MRPL43: variants seen among roughly 807,000 people sequenced by gnomAD.
MRPL43 encodes the protein large ribosomal subunit protein mL43.
Under a neutral mutation model 12.7 loss-of-function variants are expected in MRPL43, and 9 were observed. The observed-to-expected ratio is 0.71, with a 90% CI of 0.43 to 1.24. The LOEUF is 1.24. MRPL43 is among the 50% of genes most tolerant of loss of function. MRPL43 has a pLI of 0.00. For synonymous variants in MRPL43, 116 were observed against 96.4 expected (o/e 1.20, Z -1.19); for missense variants, 211 against 229.2 (o/e 0.92, Z 0.51).
Position 100,987,433 on chromosome 10 carries a change from C to G in MRPL43, c.11G>C (p.Arg4Pro). 1 of 1,612,210 alleles carries G rather than the reference C, an allele frequency of 6.2e-7. No individual in the cohort carries two copies. Among genetic ancestry groups the G allele is most frequent in the Non-Finnish European group, 8.5e-7 (1 of 1,179,824 alleles). ...GGCCAAGAAGCGGCTCGGAGTCCCG[C>G]GCGCCGTCATAGCTACAGCTTGGAG... MTA[R>P]GTPSRFLASV... The change falls in exon 1 of 3, where the codon CGC (arginine) becomes CCC (proline). Residue 4 changes from arginine (R) to proline (P), a missense_variant. Transcript: ENST00000318364.
At chr10:100,979,336 A>G (rs961567821), downstream of MRPL43, 6 of 1,613,932 alleles carry the variant, frequency 3.7e-6, no homozygotes, top group African/African-American at 6.7e-5. Flanking sequence ...GCAGAGGTCA[A>G]TGAGGATGAG....
At chr10:100,980,957 G>T, downstream of MRPL43, 1 of 1,606,358 alleles carries the variant, frequency 6.2e-7, no homozygotes, top group Non-Finnish European at 8.5e-7. Context: ...CCATGCCTGC[G>T]CAGCAGCCAC....
downstream of MRPL43, chr10:100,978,536 T>A (rs1850903953): frequency 1.9e-6 from 3 of 1,613,958 alleles, no homozygotes; most frequent in Non-Finnish European, 2.5e-6. Context: ...GATGGAGGCC[T>A]CTACACAGCC....
chr10:100,979,011 T>A (rs767904665), downstream of MRPL43: 16 of 1,613,882 alleles, frequency 9.9e-6, no homozygotes, highest in Admixed American at 1.7e-4. Context: ...GTGGCTCGTG[T>A]CTGCAAGGTG....
At chr10:100,985,449 C>G (rs1215821939), downstream of MRPL43, 1 of 152,862 alleles carries the variant, frequency 6.5e-6, no homozygotes, top group East Asian at 1.9e-4. Context: ...CACCCAACCT[C>G]TCCCACCTCC....
downstream of MRPL43, chr10:100,979,998 T>C: frequency 1.9e-6 from 3 of 1,613,826 alleles, no homozygotes; most frequent in Non-Finnish European, 2.5e-6. Flanking sequence ...GCTCGGTGAG[T>C]GCCCAGGCCT....
chr10:100,981,202 C>T (rs1851053925), downstream of MRPL43: 2 of 1,614,080 alleles, frequency 1.2e-6, no homozygotes, highest in African/African-American at 1.3e-5. Context: ...GAGAGGAAAT[C>T]GAGGCTGTGA....
chr10:100,984,759 G>A (rs766759551), downstream of MRPL43: 4 of 1,535,948 alleles, frequency 2.6e-6, no homozygotes, highest in Non-Finnish European at 3.5e-6. Flanking sequence ...AGCCCCATGT[G>A]GTGACCTCTT....
At chr10:100,979,956 CTA>C, downstream of MRPL43, 1 of 1,614,116 alleles carries the variant, frequency 6.2e-7, no homozygotes, top group South Asian at 1.1e-5. Context: ...GCTGGGGTCG[CTA>C]TGAGGGTGGG....
downstream of MRPL43, chr10:100,981,444 G>A: frequency 1.2e-6 from 2 of 1,614,140 alleles, no homozygotes; most frequent in Non-Finnish European, 1.7e-6. Context: ...GATGTGAAGT[G>A]TCTTGTCACT....
chr10:100,987,063 C>T (rs976049936), intron 2 of MRPL43, 27 bp downstream of exon 2: 1 of 1,611,594 alleles, frequency 6.2e-7, no homozygotes, highest in African/African-American at 1.3e-5. Context: ...TGATCCCGCC[C>T]TCCAGCCCGA....
chr10:100,978,138 T>C, downstream of MRPL43: 1 of 613,900 alleles, frequency 1.6e-6, no homozygotes, highest in Non-Finnish European at 2.9e-6. Flanking sequence ...CATAAGGTCA[T>C]TCTCAGGGGA....
chr10:100,986,939 T>C lies in MRPL43; in HGVS notation c.275A>G (p.Lys92Arg). 2 of 1,608,896 alleles carry C rather than the reference T, an allele frequency of 1.2e-6. No individual in the cohort carries two copies. Among genetic ancestry groups the C allele is most frequent in the African/African-American group, 1.3e-5 (1 of 75,042 alleles). ...CAGCGTCGAGATCTCCTCGACCGAC[T>C]TGCAGTGGATGCTCTCCTCGCGCAC... is the stretch of plus-strand genomic sequence containing the variant. ...GAVREESIHC[K>R]SVEEISTLVQ... Residue 92 changes from lysine to arginine, a missense_variant, in exon 3 of 3, where the codon AAG becomes AGG. Coordinates refer to ENST00000318364, the MANE Select transcript of MRPL43 (RefSeq NM_032112.3).
At chr10:100,978,229 TCTGA>T (rs1850885832), downstream of MRPL43, 4 of 1,207,916 alleles carry the variant, frequency 3.3e-6, no homozygotes, top group South Asian at 1.3e-5. Flanking sequence ...CCCAGACTGA[TCTGA>T]CTTTGAGCCA....
downstream of MRPL43, chr10:100,986,265 G>T: frequency 7.5e-7 from 1 of 1,341,566 alleles, no homozygotes; most frequent in Non-Finnish European, 9.6e-7. Flanking sequence ...TTTGAAGACA[G>T]ACCTGAAATG....
At chr10:100,985,685 T>C (rs62626263), downstream of MRPL43, 1 of 152,588 alleles carries the variant, frequency 6.6e-6, no homozygotes, top group Non-Finnish European at 1.5e-5. Context: ...CCTGAGCCTA[T>C]ACAGAAGGTG....
At chr10:100,984,614 A>C (rs755937099), downstream of MRPL43, 12 of 1,536,122 alleles carry the variant, frequency 7.8e-6, no homozygotes, top group Middle Eastern at 5.0e-4. Flanking sequence ...ATTCACATGC[A>C]CACATGGAAG....
At chr10:100,984,849 G>A, downstream of MRPL43, 1 of 1,502,122 alleles carries the variant, frequency 6.7e-7, no homozygotes, top group Non-Finnish European at 8.9e-7. Context: ...TGTGGCCCTT[G>A]TGAATCAGCC....
downstream of MRPL43, chr10:100,979,314 A>C (rs1850941258): frequency 6.2e-7 from 1 of 1,614,104 alleles, no homozygotes; most frequent in Non-Finnish European, 8.5e-7. Flanking sequence ...TGCGGACAGC[A>C]TAGGGGCTGG....
Sources: allele counts gnomAD v4.1 joint callset, GRCh38; gene constraint gnomAD v4.1.1; transcripts MANE v1.5; gene names NCBI Gene and HGNC (gene_info 2026-07-23, HGNC 2026-07-21).